Variants in VWA8 observed in about 807,000 individuals in gnomAD.
The protein encoded by VWA8 is von Willebrand factor A domain containing 8.
Under a neutral mutation model 241.5 loss-of-function variants are expected in VWA8, and 221 were observed. That is an observed-to-expected ratio of 0.91 (90% CI 0.82 to 1.02). VWA8 has a LOEUF of 1.02. Ranked by LOEUF, VWA8 falls within the 50% of genes least tolerant of loss-of-function variation. The pLI is 0.00. For missense variants in VWA8, 2,322 were observed against 2,328.7 expected (o/e 1.00, Z 0.06); for synonymous variants, 852 against 827.1 (o/e 1.03, Z -0.52).
In VWA8 at chr13:41,706,794, A is replaced by T. The variant is rs143454380; in HGVS notation, c.3117-3383T>A. On this transcript the variant is annotated intron_variant, in intron 26 of 44. Coordinates refer to ENST00000379310, the MANE Select transcript of VWA8 (RefSeq NM_015058.2). ...TTAAGTTTTAATATCTGATTTGATTAAAACAATAATGGCATTTTCCATGGC... is the reference window on the plus strand; with the variant it reads ...TTAAGTTTTAATATCTGATTTGATTTAAACAATAATGGCATTTTCCATGGC... 3.6e-3 allele frequency among the ~76,000 whole-genome samples: 550 copies of T among 152,324 alleles called. 4 individuals carry two copies. Among genetic ancestry groups the T allele is most frequent in the African/African-American group, 0.013 (525 of 41,568 alleles).
intron 2 of VWA8, among the ~76,000 whole-genome samples, chr13:41,949,046 A>G (rs968413401): frequency 1.3e-5 from 2 of 151,052 alleles, no homozygotes; most frequent in Non-Finnish European, 3.0e-5. Flanking sequence ...AAAAAAAAAA[A>G]AAAAAAAAAA....
At chr13:41,576,528 CA>C (rs1555304081) in intron 42 of VWA8, among the ~76,000 whole-genome samples, 4 of 152,090 alleles carry the variant, frequency 2.6e-5, no homozygotes, top group Non-Finnish European at 5.9e-5. Flanking sequence ...AATTGTTATG[CA>C]AAAATAGGAA....
At chr13:41,952,810 G>T (rs1361216640) in intron 1 of VWA8, among the ~76,000 whole-genome samples, 1 of 152,044 alleles carries the variant, frequency 6.6e-6, no homozygotes, top group Non-Finnish European at 1.5e-5. Flanking sequence ...TTCAAACTGA[G>T]TAACTGAGGA....
intron 2 of VWA8, among the ~76,000 whole-genome samples, chr13:41,930,108 C>T (rs990572430): frequency 5.3e-5 from 8 of 152,090 alleles, no homozygotes; most frequent in African/African-American, 1.9e-4. Context: ...AAATGGCCAA[C>T]AGGTATATGA....
intron 26 of VWA8, among the ~76,000 whole-genome samples, chr13:41,708,016 A>C (rs1181122722): frequency 6.6e-6 from 1 of 152,158 alleles, no homozygotes; most frequent in Non-Finnish European, 1.5e-5. Context: ...AGAGAGAAAA[A>C]ATTTTAGAGA....
intron 4 of VWA8, among the ~76,000 whole-genome samples, chr13:41,906,469 T>C (rs933750151): frequency 6.6e-6 from 1 of 152,174 alleles, no homozygotes; most frequent in Non-Finnish European, 1.5e-5. Context: ...CATACTGTCT[T>C]ATAAATTTAT....
intron 17 of VWA8, among the ~76,000 whole-genome samples, chr13:41,801,142 AT>A (rs1869939696): frequency 7.2e-6 from 1 of 138,860 alleles, no homozygotes; most frequent in African/African-American, 2.8e-5. Flanking sequence ...TAGTTTTTCA[AT>A]TTATTTTTAT....
intron 37 of VWA8, among the ~76,000 whole-genome samples, chr13:41,659,498 T>C (rs1196161185): frequency 2.0e-5 from 3 of 152,208 alleles, no homozygotes; most frequent in Non-Finnish European, 4.4e-5. Context: ...TTACTACCAT[T>C]TTAGGGATTA....
intron 18 of VWA8, 86 bp downstream of exon 18, chr13:41,787,345 ACTGTTT>A (rs2137942849): frequency 9.7e-7 from 1 of 1,035,040 alleles, no homozygotes; most frequent in East Asian, 2.6e-5. Flanking sequence ...AAACTGTTTA[ACTGTTT>A]ATTTTAACTG....
intron 21 of VWA8, among the ~76,000 whole-genome samples, chr13:41,740,483 C>A (rs2045561875): frequency 6.6e-6 from 1 of 152,214 alleles, no homozygotes; most frequent in African/African-American, 2.4e-5. Context: ...GCTATCGCTG[C>A]AGAGCAAGTT....
At position 41,886,548 on chromosome 13, in the gene VWA8, T is replaced by C. The variant is rs182908377; in HGVS notation, c.866+233A>G. Reference sequence around the variant, plus strand: ...AATGCCCCCAAATATTTTCAAATTATGGCACTTACTATACCATGTTAACCA... The same window carrying C: ...AATGCCCCCAAATATTTTCAAATTACGGCACTTACTATACCATGTTAACCA... On this transcript the variant is annotated intron_variant, in intron 7 of 44. Coordinates refer to ENST00000379310, the MANE Select transcript of VWA8 (RefSeq NM_015058.2). Among the ~76,000 whole-genome samples, 110 of 152,358 alleles carry C rather than the reference T, an allele frequency of 7.2e-4. 1 individual carries two copies. The highest frequency in any genetic ancestry group is 1.7e-3 in the Admixed American group (26 of 15,306).
chr13:41,594,397 T>C (rs978070143), intron 40 of VWA8, among the ~76,000 whole-genome samples: 3 of 152,164 alleles, frequency 2.0e-5, no homozygotes, highest in Non-Finnish European at 4.4e-5. Context: ...CCCAAAGTGC[T>C]GGGACTATGG....
chr13:41,904,288 C>T (rs532932865), intron 4 of VWA8, among the ~76,000 whole-genome samples: 5 of 152,108 alleles, frequency 3.3e-5, no homozygotes, highest in South Asian at 2.1e-4. Context: ...TTTAAAAATC[C>T]ATTTTCTCTT....
At chr13:41,789,272 C>T (rs1869345966) in intron 17 of VWA8, among the ~76,000 whole-genome samples, 2 of 151,790 alleles carry the variant, frequency 1.3e-5, no homozygotes, top group South Asian at 4.1e-4. Flanking sequence ...CTTATTTTTT[C>T]CCTCTCCTCC....
At chr13:41,650,265 A>C (rs193127584) in intron 37 of VWA8, among the ~76,000 whole-genome samples, 1 of 152,242 alleles carries the variant, frequency 6.6e-6, no homozygotes, top group African/African-American at 2.4e-5. Flanking sequence ...CCTGTGAGGT[A>C]GCTGCTATAG....
intron 37 of VWA8, among the ~76,000 whole-genome samples, chr13:41,620,549 T>C (rs2139666971): frequency 6.6e-6 from 1 of 152,330 alleles, no homozygotes; most frequent in Admixed American, 6.5e-5. Context: ...CTAGTTCTTT[T>C]AATTGTGTTT....
Position 41,699,363 on chromosome 13 carries a change from C to G in VWA8, c.3365-93G>C. The stretch of plus-strand genomic sequence containing the variant: ...TGAAAACTGAATCATGAATACACAG[C>G]TGGAACAGAGTTGGAACTCAGCAGA... On this transcript the variant is annotated intron_variant, in intron 28 of 44. Transcript: ENST00000379310. 2.5e-6 allele frequency: 3 copies of G among 1,217,132 alleles called. No individual in the cohort carries two copies. In the South Asian group the frequency reaches 3.8e-5, roughly 16 times the overall value. The allele number at this position is 1,217,132 out of a possible 1,614,324, so 75.4% of individuals were successfully genotyped here. A position where few individuals can be genotyped will look rare whatever the true frequency, so the allele number is the denominator to read the frequency against.
chr13:41,821,953 T>C (rs915495125), intron 14 of VWA8, among the ~76,000 whole-genome samples: 6 of 151,880 alleles, frequency 4.0e-5, no homozygotes, highest in African/African-American at 1.5e-4. Context: ...CTCTAGAAAA[T>C]ATGAGCTCTA....
At chr13:41,579,501 T>A (rs990665689) in intron 42 of VWA8, among the ~76,000 whole-genome samples, 2 of 152,210 alleles carry the variant, frequency 1.3e-5, no homozygotes, top group Non-Finnish European at 2.9e-5. Context: ...TCACTTAACC[T>A]CTCTAAACCT....
Sources: allele counts gnomAD v4.1 joint callset (sites outside exome capture counted in the v4.1 genomes callset), GRCh38; gene constraint gnomAD v4.1.1; transcripts MANE v1.5; gene names NCBI Gene and HGNC (gene_info 2026-07-23, HGNC 2026-07-21).